The following PTPRT variants were observed in gnomAD, a reference collection of about 807,000 sequenced individuals.
The protein encoded by PTPRT is protein tyrosine phosphatase receptor type T, also known as receptor-type tyrosine-protein phosphatase T.
A neutral mutation model predicts 176.8 loss-of-function variants in PTPRT; 56 were observed. The observed-to-expected ratio is 0.32, with a 90% CI of 0.26 to 0.40. The LOEUF (loss-of-function observed/expected upper bound fraction) is 0.40, where lower values mean the gene tolerates loss of function less well. PTPRT is among the 10% of genes least tolerant of loss of function. The pLI, the probability that PTPRT is intolerant of heterozygous loss-of-function variation, is 1.00. For missense variants in PTPRT, 1,540 were observed against 1,908.2 expected (o/e 0.81, Z 3.60); for synonymous variants, 783 against 739.0 (o/e 1.06, Z -0.96).
chr20:43,164,336 G>C (rs2014796297), intron 1 of PTPRT, among the ~76,000 whole-genome samples: 1 of 152,212 alleles, frequency 6.6e-6, no homozygotes, highest in African/African-American at 2.4e-5. Context: ...GCAAGCAAGA[G>C]AGAATTGCTT....
intron 16 of PTPRT, among the ~76,000 whole-genome samples, chr20:42,178,480 C>T (rs986707683): frequency 6.6e-5 from 10 of 152,158 alleles, no homozygotes; most frequent in African/African-American, 2.4e-4. Flanking sequence ...CCTGGCTCTA[C>T]TACTTATTAG....
chr20:42,128,438 AT>A (rs1276246475), intron 19 of PTPRT, among the ~76,000 whole-genome samples: 2 of 152,114 alleles, frequency 1.3e-5, no homozygotes, highest in South Asian at 2.1e-4. Context: ...GCACTTTAAA[AT>A]TTTTGTGGCA....
intron 13 of PTPRT, chr20:42,270,400 T>C (rs2056912988): frequency 7.2e-7 from 1 of 1,382,998 alleles, no homozygotes; most frequent in Non-Finnish European, 9.8e-7. Flanking sequence ...TGATCACCTG[T>C]GGTGAGGAGG....
chr20:42,612,189 C>T (rs1195450952), intron 7 of PTPRT, among the ~76,000 whole-genome samples: 1 of 152,134 alleles, frequency 6.6e-6, no homozygotes, highest in Admixed American at 6.5e-5. Context: ...CACACAGTTC[C>T]CTACTCTCCC....
intron 6 of PTPRT, among the ~76,000 whole-genome samples, chr20:42,721,553 A>G (rs2146232885): frequency 6.6e-6 from 1 of 152,374 alleles, no homozygotes; most frequent in African/African-American, 2.4e-5. Context: ...ATACACAGCC[A>G]TGCTGAGAAA....
chr20:42,857,148 CTCACTATGTTGCA>C, intron 2 of PTPRT, among the ~76,000 whole-genome samples: 1 of 152,358 alleles, frequency 6.6e-6, no homozygotes, highest in South Asian at 2.1e-4. Flanking sequence ...AGCTCTAGCA[CTCACTATGTTGCA>C]TGACTCTGAA....
At chr20:42,100,253 T>C (rs1985799519) in intron 26 of PTPRT, among the ~76,000 whole-genome samples, 2 of 152,354 alleles carry the variant, frequency 1.3e-5, no homozygotes, top group South Asian at 4.1e-4. Context: ...TGAAAATATG[T>C]TCGAGATCCG....
chr20:42,241,016 C>T (rs1229163288), intron 14 of PTPRT, among the ~76,000 whole-genome samples: 8 of 152,150 alleles, frequency 5.3e-5, no homozygotes, highest in African/African-American at 1.2e-4. Flanking sequence ...GCATTATTAT[C>T]CCTGTTTACA....
chr20:42,245,029 G>C (rs1330580033), intron 14 of PTPRT, among the ~76,000 whole-genome samples: 1 of 152,104 alleles, frequency 6.6e-6, no homozygotes, highest in Admixed American at 6.5e-5. Flanking sequence ...CAGTGATGAA[G>C]GTCTTTCTCT....
At chr20:43,038,914 A>C (rs1986494990) in intron 1 of PTPRT, among the ~76,000 whole-genome samples, 1 of 152,200 alleles carries the variant, frequency 6.6e-6, no homozygotes, top group South Asian at 2.1e-4. Flanking sequence ...CTTAAACTCC[A>C]CTGAAGGGCA....
At chr20:42,558,214 C>T (rs1266819212) in intron 7 of PTPRT, among the ~76,000 whole-genome samples, 2 of 152,128 alleles carry the variant, frequency 1.3e-5, no homozygotes, top group East Asian at 3.9e-4. Context: ...TCATTTACCT[C>T]CCACTTATAA....
intron 12 of PTPRT, among the ~76,000 whole-genome samples, chr20:42,284,274 G>T (rs968594086): frequency 4.0e-5 from 6 of 151,824 alleles, no homozygotes; most frequent in African/African-American, 1.5e-4. Context: ...CTAACATCCT[G>T]GTGTTTATCC....
At chr20:42,328,160 A>G (rs1476585617) in intron 11 of PTPRT, among the ~76,000 whole-genome samples, 2 of 152,162 alleles carry the variant, frequency 1.3e-5, no homozygotes, top group African/African-American at 4.8e-5. Context: ...TTTAGAAACT[A>G]TTACTGTGAG....
Position 42,530,467 on chromosome 20 carries a change from C to T in PTPRT, c.1154-57905G>A, listed in dbSNP as rs116463828. Among the ~76,000 whole-genome samples the T allele has an allele frequency of 4.6e-3, 693 of 152,260 alleles. 4 individuals are homozygous for T. The highest frequency in any genetic ancestry group is 0.016 in the African/African-American group (661 of 41,554). Reference sequence around the variant, plus strand: ...GTGTTGGGGGAGGTATAAACTGCTGCGTGAGCATTGAATCTAAAACAGTTA... The same window carrying T: ...GTGTTGGGGGAGGTATAAACTGCTGTGTGAGCATTGAATCTAAAACAGTTA... On this transcript the variant is annotated intron_variant, in intron 7 of 30. Coordinates refer to ENST00000373187, the MANE Select transcript of PTPRT (RefSeq NM_007050.6).
chr20:42,229,813 C>T (rs920226144), intron 15 of PTPRT, among the ~76,000 whole-genome samples: 1 of 152,130 alleles, frequency 6.6e-6, no homozygotes, highest in Non-Finnish European at 1.5e-5. Context: ...CCCACAGAAG[C>T]AAGGAAGTTA....
intron 5 of PTPRT, among the ~76,000 whole-genome samples, chr20:42,769,439 T>C (rs1179067734): frequency 6.6e-6 from 1 of 152,180 alleles, no homozygotes; most frequent in Non-Finnish European, 1.5e-5. Context: ...TACACACCTA[T>C]TGAAATGCTA....
chr20:42,112,833 A>T (rs1462499898), intron 22 of PTPRT, among the ~76,000 whole-genome samples: 1 of 152,214 alleles, frequency 6.6e-6, no homozygotes, highest in East Asian at 1.9e-4. Context: ...GGAGGGAGAA[A>T]TCAGATGCCC....
At chr20:42,617,596 G>C (rs1176724437) in intron 7 of PTPRT, among the ~76,000 whole-genome samples, 1 of 137,454 alleles carries the variant, frequency 7.3e-6, no homozygotes, top group Non-Finnish European at 1.5e-5. Flanking sequence ...GTAAACTATT[G>C]ATTATTGCCA....
At chr20:42,228,804 C>T (rs6093597) in intron 15 of PTPRT, among the ~76,000 whole-genome samples, 44,885 of 152,078 alleles carry the variant, frequency 0.3, 9,252 homozygotes, top group African/African-American at 0.58. Context: ...GATCTAGTCA[C>T]TGGGAAATGA....
Sources: gnomAD v4.1 joint callset for allele counts (sites outside exome capture counted in the v4.1 genomes callset) on GRCh38, gnomAD v4.1.1 for gene constraint, MANE v1.5 for transcripts, NCBI Gene and HGNC (gene_info 2026-07-23, HGNC 2026-07-21) for gene names.